CSTPP1: variants seen among roughly 807,000 people sequenced by gnomAD.
CSTPP1 encodes the protein UPF0705 protein C11orf49.
the CSTPP1 span, among the ~76,000 whole-genome samples, chr11:46,953,574 T>C: frequency 0.59 from 89,190 of 152,064 alleles, 30,141 homozygotes; most frequent in Non-Finnish European, 0.76. Flanking sequence ...CAAACTGTTA[T>C]GGGATCTTTG....
At chr11:47,161,645 CA>C in the CSTPP1 span, 2 of 1,607,152 alleles carry the variant, frequency 1.2e-6, no homozygotes, top group Non-Finnish European at 1.7e-6. Flanking sequence ...TTGAGGAGTC[CA>C]AAGGGTCCTG....
the CSTPP1 span, among the ~76,000 whole-genome samples, chr11:47,095,021 G>A: frequency 6.6e-6 from 1 of 152,146 alleles, no homozygotes; most frequent in African/African-American, 2.4e-5. Context: ...TTACTGATTT[G>A]ACTTAAAAAT....
chr11:46,972,307 A>G, the CSTPP1 span, among the ~76,000 whole-genome samples: 1 of 152,136 alleles, frequency 6.6e-6, no homozygotes, highest in South Asian at 2.1e-4. Flanking sequence ...TGAGGAGGTT[A>G]AGTTGGAGGT....
At chr11:47,067,043 T>C in the CSTPP1 span, among the ~76,000 whole-genome samples, 3 of 152,216 alleles carry the variant, frequency 2.0e-5, no homozygotes, top group Non-Finnish European at 4.4e-5. Context: ...CAAGAACCTA[T>C]TGATGAGGTT....
chr11:47,070,262 GA>G, the CSTPP1 span, among the ~76,000 whole-genome samples: 18 of 152,260 alleles, frequency 1.2e-4, no homozygotes, highest in South Asian at 3.5e-3. Flanking sequence ...TGGATGGAGA[GA>G]GGGGGAGAGA....
chr11:47,101,202 G>GTTTT, the CSTPP1 span, among the ~76,000 whole-genome samples: 16 of 32,954 alleles, frequency 4.9e-4, no homozygotes, highest in African/African-American at 1.6e-3. Context: ...TTTATTTTTA[G>GTTTT]TAGAGATGGG....
chr11:47,044,049 T>C, the CSTPP1 span, among the ~76,000 whole-genome samples: 1 of 152,132 alleles, frequency 6.6e-6, no homozygotes, highest in Admixed American at 6.6e-5. Flanking sequence ...TGTAGTGGCG[T>C]GATCTCGGCT....
the CSTPP1 span, among the ~76,000 whole-genome samples, chr11:47,065,853 C>A: frequency 6.6e-6 from 1 of 152,002 alleles, no homozygotes; most frequent in Non-Finnish European, 1.5e-5. Context: ...GAGCAATTCA[C>A]CTGCTTCAGC....
the CSTPP1 span, among the ~76,000 whole-genome samples, chr11:46,943,292 A>G: frequency 6.6e-6 from 1 of 152,260 alleles, no homozygotes; most frequent in Non-Finnish European, 1.5e-5. Context: ...TCCATTCGGC[A>G]GATGAGGAAA....
the CSTPP1 span, among the ~76,000 whole-genome samples, chr11:46,968,823 C>T: frequency 2.6e-5 from 4 of 151,182 alleles, no homozygotes; most frequent in South Asian, 2.1e-4. Context: ...CGCTTGAACC[C>T]GGGGGGCGGA....
chr11:47,162,658 G>A, the CSTPP1 span, among the ~76,000 whole-genome samples: 129 of 152,254 alleles, frequency 8.5e-4, no homozygotes, highest in African/African-American at 2.8e-3. Flanking sequence ...AGGCAGGTAA[G>A]GACGAGTGTC....
At chr11:47,139,861 C>T in the CSTPP1 span, among the ~76,000 whole-genome samples, 4 of 152,186 alleles carry the variant, frequency 2.6e-5, no homozygotes, top group African/African-American at 7.2e-5. Context: ...GATGGGGGAT[C>T]GGGAGCACAA....
chr11:46,939,501 T>A, the CSTPP1 span, among the ~76,000 whole-genome samples: 1 of 152,078 alleles, frequency 6.6e-6, no homozygotes, highest in Non-Finnish European at 1.5e-5. Context: ...ATTCAAAGTA[T>A]TTTTTAGGCC....
chr11:47,128,538 T>G, the CSTPP1 span, among the ~76,000 whole-genome samples: 1 of 152,022 alleles, frequency 6.6e-6, no homozygotes, highest in African/African-American at 2.4e-5. Flanking sequence ...TGTGCCACCA[T>G]GCACAGCTAA....
At chr11:47,096,811 GAAAA>G in the CSTPP1 span, among the ~76,000 whole-genome samples, 3 of 118,116 alleles carry the variant, frequency 2.5e-5, no homozygotes, top group Non-Finnish European at 5.4e-5. Flanking sequence ...AGGCCCAGCA[GAAAA>G]AAAAAAAAAA....
chr11:47,001,406 A>G, the CSTPP1 span, among the ~76,000 whole-genome samples: 3 of 152,370 alleles, frequency 2.0e-5, no homozygotes, highest in East Asian at 5.8e-4. Context: ...ATTTTGATAC[A>G]TGTTAATCAT....
the CSTPP1 span, among the ~76,000 whole-genome samples, chr11:46,964,520 C>A: frequency 6.6e-6 from 1 of 152,128 alleles, no homozygotes. Flanking sequence ...CTCCTGACCT[C>A]GTGATCCGCC....
chr11:47,016,103 C>T, the CSTPP1 span, among the ~76,000 whole-genome samples: 1 of 151,936 alleles, frequency 6.6e-6, no homozygotes, highest in Non-Finnish European at 1.5e-5. Flanking sequence ...GGCAATAGAG[C>T]CAGACCTTGC....
the CSTPP1 span, among the ~76,000 whole-genome samples, chr11:47,089,280 T>C: frequency 6.6e-6 from 1 of 152,224 alleles, no homozygotes; most frequent in South Asian, 2.1e-4. Context: ...TGTGGCTGAA[T>C]CACTAGATAA....
Sources: allele counts gnomAD v4.1 joint callset (sites outside exome capture counted in the v4.1 genomes callset), GRCh38; gene constraint gnomAD v4.1.1; transcripts MANE v1.5; gene names NCBI Gene and HGNC (gene_info 2026-07-23, HGNC 2026-07-21).